The following FOXP1 variants were observed in gnomAD, a reference collection of about 807,000 sequenced individuals.
FOXP1 encodes forkhead box P1.
A neutral mutation model predicts 98.2 loss-of-function variants in FOXP1; 15 were observed. That is an observed-to-expected ratio of 0.15 (90% CI 0.10 to 0.24). The LOEUF (loss-of-function observed/expected upper bound fraction) is 0.24, where lower values mean the gene tolerates loss of function less well. FOXP1 is among the 10% of genes least tolerant of loss of function. The probability of loss-of-function intolerance (pLI) is 1.00; values close to 1 mark genes in which losing one functional copy is unlikely to be tolerated. For missense variants in FOXP1, 633 were observed against 848.5 expected (o/e 0.75, Z 3.15); for synonymous variants, 371 against 314.5 (o/e 1.18, Z -1.90).
chr3:71,274,741 G>A (rs183015510), intron 5 of FOXP1, among the ~76,000 whole-genome samples: 17 of 151,888 alleles, frequency 1.1e-4, no homozygotes, highest in African/African-American at 3.9e-4. Context: ...GTAAAGGCTG[G>A]GTAGATCTGG....
At chr3:71,053,461 G>A (rs745942747) in intron 8 of FOXP1, among the ~76,000 whole-genome samples, 175 bp downstream of exon 8, 30 of 152,142 alleles carry the variant, frequency 2.0e-4, no homozygotes, top group Non-Finnish European at 4.0e-4. Flanking sequence ...CTCTCTTTTG[G>A]GCATGCAAAA....
intron 2 of FOXP1, among the ~76,000 whole-genome samples, chr3:71,553,704 G>T (rs2045930831): frequency 6.6e-6 from 1 of 152,102 alleles, no homozygotes; most frequent in Non-Finnish European, 1.5e-5. Context: ...AATTTAGAGT[G>T]CACATTTACA....
intron 7 of FOXP1, among the ~76,000 whole-genome samples, chr3:71,091,167 G>C (rs1432368328): frequency 1.7e-5 from 2 of 116,396 alleles, no homozygotes; most frequent in Non-Finnish European, 3.6e-5. Context: ...AATCTGCTGG[G>C]TAGACATTTC....
intron 2 of FOXP1, among the ~76,000 whole-genome samples, chr3:71,512,299 C>T (rs1358156989): frequency 1.3e-5 from 2 of 152,114 alleles, no homozygotes; most frequent in East Asian, 3.9e-4. Flanking sequence ...TGGCTAAGGA[C>T]AGGCAGCATA....
chr3:71,025,007 T>C (rs1193047143), intron 11 of FOXP1, among the ~76,000 whole-genome samples: 2 of 152,232 alleles, frequency 1.3e-5, no homozygotes, highest in African/African-American at 2.4e-5. Flanking sequence ...TCCATAGTTC[T>C]GGACTTATAT....
intron 4 of FOXP1, among the ~76,000 whole-genome samples, chr3:71,318,889 T>A (rs1443492785): frequency 6.6e-6 from 1 of 152,186 alleles, no homozygotes; most frequent in Non-Finnish European, 1.5e-5. Context: ...CTTCTTGGAA[T>A]ACCAAAATAC....
At chr3:71,176,397 C>T (rs944730457) in intron 6 of FOXP1, among the ~76,000 whole-genome samples, 6 of 152,134 alleles carry the variant, frequency 3.9e-5, no homozygotes, top group South Asian at 2.1e-4. Context: ...CAGATTTCCG[C>T]GTTCTTAGAA....
At chr3:71,359,917 C>T (rs866860791) in intron 3 of FOXP1, among the ~76,000 whole-genome samples, 4 of 152,062 alleles carry the variant, frequency 2.6e-5, no homozygotes, top group Non-Finnish European at 4.4e-5. Context: ...CGCAGCCTCC[C>T]GAGTAGCTGG....
intron 2 of FOXP1, among the ~76,000 whole-genome samples, chr3:71,520,081 T>G (rs1577980323): frequency 6.6e-6 from 1 of 152,210 alleles, no homozygotes; most frequent in African/African-American, 2.4e-5. Context: ...GAAAAGAAAG[T>G]GCATGAGCAT....
intron 5 of FOXP1, among the ~76,000 whole-genome samples, chr3:71,207,931 T>C (rs6549382): frequency 0.85 from 129,339 of 152,206 alleles, 54,980 homozygotes; most frequent in Admixed American, 0.9. Flanking sequence ...ATACAAAGCA[T>C]AAACTCACTT....
intron 2 of FOXP1, among the ~76,000 whole-genome samples, chr3:71,579,174 T>C (rs774052231): frequency 3.3e-5 from 5 of 152,324 alleles, no homozygotes; most frequent in Middle Eastern, 6.8e-3. Flanking sequence ...CTTATCCTGT[T>C]TCCTACTTTG....
intron 2 of FOXP1, among the ~76,000 whole-genome samples, chr3:71,538,614 T>C (rs1217213958): frequency 6.6e-6 from 1 of 152,256 alleles, no homozygotes; most frequent in Admixed American, 6.5e-5. Context: ...CATTCTCCTA[T>C]GAACATTTAT....
In FOXP1 at chr3:70,977,890, A is replaced by T; in HGVS notation, c.1286T>A (p.Met429Lys). 3 of 1,614,148 alleles carry T rather than the reference A, an allele frequency of 1.9e-6. No homozygotes were observed. The East Asian group carries it at 6.7e-5, about 36-fold the overall frequency. The change falls in exon 15 of 21, where the codon ATG becomes AAG. Residue 429 changes from methionine to lysine, a missense_variant. By Grantham distance (95) the Met-to-Lys change is moderately conservative (BLOSUM62 -1). Around this residue, in one of 6 missense-constraint regions of FOXP1, gnomAD observed 141 missense variants for 199.5 expected, o/e 0.71. Coordinates refer to ENST00000649528, the MANE Select transcript of FOXP1 (RefSeq NM_001349338.3). ...CCTGCGGATGGGTCCCACCGTGTGCATGCTGGTGGTTGTGATGACAGAGGG... is the reference window on the plus strand; with the variant it reads ...CCTGCGGATGGGTCCCACCGTGTGCTTGCTGGTGGTTGTGATGACAGAGGG... The part of the protein sequence containing the change: ...QGPSVITTTS[M>K]HTVGPIRRRY...
chr3:71,480,064 C>G (rs1266668887), intron 3 of FOXP1, among the ~76,000 whole-genome samples: 2 of 152,064 alleles, frequency 1.3e-5, no homozygotes, highest in Non-Finnish European at 2.9e-5. Context: ...GGCGTGGTGC[C>G]ACGCACCTGT....
At chr3:71,411,494 T>C (rs553339808) in intron 3 of FOXP1, among the ~76,000 whole-genome samples, 17 of 152,270 alleles carry the variant, frequency 1.1e-4, no homozygotes, top group East Asian at 3.9e-4. Context: ...GGCTAATTTT[T>C]TCTATTTTTA....
chr3:71,500,784 A>G (rs2041278264), intron 2 of FOXP1, among the ~76,000 whole-genome samples: 1 of 152,158 alleles, frequency 6.6e-6, no homozygotes, highest in Non-Finnish European at 1.5e-5. Flanking sequence ...ACCCTCAAGG[A>G]AAGTACCATC....
intron 2 of FOXP1, among the ~76,000 whole-genome samples, chr3:71,541,237 A>G (rs2044782781): frequency 6.6e-6 from 1 of 152,240 alleles, no homozygotes; most frequent in African/African-American, 2.4e-5. Flanking sequence ...CTGGTCAATT[A>G]TAATTCTCAG....
At chr3:71,062,165 A>G (rs1324987637) in intron 7 of FOXP1, among the ~76,000 whole-genome samples, 1 of 152,128 alleles carries the variant, frequency 6.6e-6, no homozygotes, top group African/African-American at 2.4e-5. Flanking sequence ...AAAAAATTCA[A>G]CCATTCCTAT....
intron 12 of FOXP1, among the ~76,000 whole-genome samples, chr3:71,002,110 C>T (rs1306425063): frequency 6.6e-6 from 1 of 152,092 alleles, no homozygotes; most frequent in African/African-American, 2.4e-5. Context: ...GATTTAAAAC[C>T]CAGGTCTGTA....
Sources: allele counts gnomAD v4.1 joint callset (sites outside exome capture counted in the v4.1 genomes callset), GRCh38; gene constraint gnomAD v4.1.1; regional missense constraint gnomAD v4.1.1; transcripts MANE v1.5; gene names NCBI Gene and HGNC (gene_info 2026-07-23, HGNC 2026-07-21).